Variants in FBH1 observed in about 807,000 individuals in gnomAD.
The protein encoded by FBH1 is DNA 3'-5' helicase 1.
A neutral mutation model predicts 115.5 loss-of-function variants in FBH1; 43 were observed. The ratio of observed to expected loss-of-function variants is 0.37; its 90% CI spans 0.29 to 0.48. FBH1 has a LOEUF of 0.48. Ranked by LOEUF, FBH1 falls within the 20% of genes least tolerant of loss-of-function variation. The pLI is 0.99. For missense variants in FBH1, 1,001 were observed against 1,337.3 expected, an observed-to-expected ratio of 0.75 and a Z score of 3.92; for synonymous variants, 524 against 507.8, an observed-to-expected ratio of 1.03 and a Z score of -0.43.
Position 5,916,462 on chromosome 10 carries a change from TG to T in FBH1, c.1788+7del. The T allele has an allele frequency of 3.1e-6, 5 of 1,607,948 alleles. No homozygotes were observed. The highest frequency in any genetic ancestry group is 4.2e-6 in the Non-Finnish European group (5 of 1,178,190). ...TTGAGCAGAGTGAAAAACTGGTGAG[TG>T]TCTAAGTGTCTGAAGTGTTAGGGAT... On this transcript the variant is annotated splice_region_variant and intron_variant, in intron 10 of 20. Coordinates refer to ENST00000362091, the MANE Select transcript of FBH1 (RefSeq NM_178150.3).
chr10:5,897,894 A>G lies in FBH1; in HGVS notation c.2-5126A>G, dbSNP rs975034096. Among the ~76,000 whole-genome samples the G allele has an allele frequency of 8.4e-6, 1 of 119,338 alleles. No homozygotes were observed. Among genetic ancestry groups the G allele is most frequent in the Non-Finnish European group, 1.9e-5 (1 of 51,918 alleles). The allele number at this position is 119,338 out of a possible 152,430, so 78.3% of individuals were successfully genotyped here. A position where few individuals can be genotyped will look rare whatever the true frequency, so the allele number is the denominator to read the frequency against. On this transcript the variant is annotated intron_variant, in intron 1 of 20. Coordinates refer to ENST00000362091, the MANE Select transcript of FBH1 (RefSeq NM_178150.3). This position sits in a 1 kb window ranked among gnomAD's most constrained non-coding sequence, Gnocchi z 4.7. ...CAGACGTATTTTCTGAGATAAATAC[A>G]TAAATAAAAATCTATCCTGTTCATA...
At position 5,922,762 on chromosome 10, in the gene FBH1, C is replaced by T. The variant is rs184701292; in HGVS notation, c.2323-859C>T. 4.1e-3 allele frequency among the ~76,000 whole-genome samples: 631 copies of T among 152,268 alleles called. 3 individuals carry two copies. The highest frequency in any genetic ancestry group is 0.014 in the African/African-American group (598 of 41,550). ...GTGGGGCCTGGTGCTGTGTGAGTGC[C>T]GGAGCCCAGCCAGTGCTCAGCAGAT... On this transcript the variant is annotated intron_variant, in intron 15 of 20. Coordinates refer to ENST00000362091, the MANE Select transcript of FBH1 (RefSeq NM_178150.3).
At chr10:5,907,491 T>G (rs1462663485) in intron 3 of FBH1, among the ~76,000 whole-genome samples, 3 of 148,358 alleles carry the variant, frequency 2.0e-5, no homozygotes, top group Non-Finnish European at 4.5e-5. Flanking sequence ...TTTTTTTTTT[T>G]GAGACAGAGT....
chr10:5,914,102 T>C lies in FBH1; in HGVS notation c.1305-76T>C. The stretch of plus-strand genomic sequence containing the variant: ...CTTTTGTTTATCCAGTTTGTATGTT[T>C]GGTTTTTGGACTGTCTATCCCCTGG... On this transcript the variant is annotated intron_variant, in intron 7 of 20. Coordinates refer to ENST00000362091, the MANE Select transcript of FBH1 (RefSeq NM_178150.3). This position sits in a 1 kb window ranked among gnomAD's most constrained non-coding sequence, Gnocchi z 5.2. 1 of 1,389,516 alleles carries C rather than the reference T, an allele frequency of 7.2e-7. No homozygotes were observed. Among genetic ancestry groups the C allele is most frequent in the Non-Finnish European group, 1.0e-6 (1 of 990,144 alleles). 86.1% of individuals were successfully genotyped at this position (1,389,516 alleles called of 1,614,324 possible). A position where few individuals can be genotyped will look rare whatever the true frequency, so the allele number is the denominator to read the frequency against.
At position 5,925,182 on chromosome 10, in the gene FBH1, C is replaced by CT; in HGVS notation, c.2597-179dup. The CT allele has an allele frequency of 1.4e-6, 1 of 706,018 alleles. No individual in the cohort carries two copies. Among genetic ancestry groups the CT allele is most frequent in the Non-Finnish European group, 2.2e-6 (1 of 445,636 alleles). The allele number at this position is 706,018 out of a possible 1,614,324, so 43.7% of individuals were successfully genotyped here. On this transcript the variant is annotated intron_variant, in intron 17 of 20. Coordinates refer to ENST00000362091, the MANE Select transcript of FBH1 (RefSeq NM_178150.3). This position sits in a 1 kb window ranked among gnomAD's most constrained non-coding sequence, Gnocchi z 4.6. ...TTTCGACTTTTCCCCTCGTCTTTTT[C>CT]TTTTTTCTGTTCCCGACAGTTGTCT...
intron 18 of FBH1, among the ~76,000 whole-genome samples, chr10:5,926,322 C>T (rs1461442295): frequency 1.3e-5 from 2 of 152,066 alleles, no homozygotes; most frequent in South Asian, 2.1e-4. Flanking sequence ...CCATGTTGGC[C>T]AGTCTGGTCT....
intron 18 of FBH1, among the ~76,000 whole-genome samples, chr10:5,926,068 T>C (rs1421097697): frequency 6.6e-6 from 1 of 151,796 alleles, no homozygotes; most frequent in African/African-American, 2.4e-5. Flanking sequence ...ACCACAGACA[T>C]TTGTCTGCTT....
intron 1 of FBH1, among the ~76,000 whole-genome samples, chr10:5,893,620 T>G (rs1842856173): frequency 6.6e-6 from 1 of 152,236 alleles, no homozygotes; most frequent in Admixed American, 6.5e-5. Context: ...TCGTGAAGCC[T>G]TTTTCAACTT....
chr10:5,916,753 C>T (rs550568830), intron 10 of FBH1, among the ~76,000 whole-genome samples: 1 of 147,558 alleles, frequency 6.8e-6, no homozygotes, highest in Non-Finnish European at 1.5e-5. Flanking sequence ...TGTGGGACAG[C>T]ATTATTTCTT....
At chr10:5,891,616 T>C (rs1842734531) in intron 1 of FBH1, among the ~76,000 whole-genome samples, 1 of 152,108 alleles carries the variant, frequency 6.6e-6, no homozygotes, top group Non-Finnish European at 1.5e-5. Context: ...TTGGAATATA[T>C]ATATATATTT....
At chr10:5,902,851 G>C (rs1564435448) in intron 1 of FBH1, among the ~76,000 whole-genome samples, 169 bp from the exon 2 acceptor site, 1 of 151,474 alleles carries the variant, frequency 6.6e-6, no homozygotes, top group Non-Finnish European at 1.5e-5. Flanking sequence ...AAAATGCGAA[G>C]AAATTGAAAG....
At chr10:5,892,991 T>C (rs966453149) in intron 1 of FBH1, among the ~76,000 whole-genome samples, 6 of 152,184 alleles carry the variant, frequency 3.9e-5, no homozygotes, top group African/African-American at 1.2e-4. Flanking sequence ...GTAAATTTGA[T>C]TGTGTAATGA....
intron 19 of FBH1, among the ~76,000 whole-genome samples, chr10:5,930,990 T>G (rs1832939939): frequency 6.6e-6 from 1 of 152,150 alleles, no homozygotes; most frequent in Non-Finnish European, 1.5e-5. Flanking sequence ...CTTGAACTCC[T>G]GGGCTTAAGT....
Position 5,915,817 on chromosome 10 carries a change from A to G in FBH1, c.1565+246A>G. ...GTGTTCTCATGGAAGTGAGGCACAGAAAGTCAAAATGACTTGCTTAAAGTT... is the reference window on the plus strand; with the variant it reads ...GTGTTCTCATGGAAGTGAGGCACAGGAAGTCAAAATGACTTGCTTAAAGTT... On this transcript the variant is annotated intron_variant, in intron 9 of 20. Transcript: ENST00000362091. The surrounding 1 kb of genome is among the most constrained non-coding windows in gnomAD (Gnocchi z 5.2). The G allele has an allele frequency of 1.9e-6, 1 of 529,742 alleles. No homozygotes were observed. Among genetic ancestry groups the G allele is most frequent in the South Asian group, 2.3e-5 (1 of 43,356 alleles). The allele number at this position is 529,742 out of a possible 1,614,324, so 32.8% of individuals were successfully genotyped here.
intron 1 of FBH1, chr10:5,894,232 T>C (rs1483367104): frequency 2.0e-6 from 2 of 985,362 alleles, no homozygotes; most frequent in Non-Finnish European, 2.4e-6. Flanking sequence ...GGGGACACAA[T>C]ATTTTGAAGT....
intron 15 of FBH1, among the ~76,000 whole-genome samples, chr10:5,922,203 GGT>G (rs1407023281): frequency 6.6e-6 from 1 of 152,054 alleles, no homozygotes; most frequent in Admixed American, 6.6e-5. Context: ...ATAATCAAAA[GGT>G]GTTTTAAGTT....
At chr10:5,893,897 T>A (rs1830560718) in intron 1 of FBH1, 1 of 783,922 alleles carries the variant, frequency 1.3e-6, no homozygotes, top group Admixed American at 6.2e-5. Context: ...AGAAAAAGCC[T>A]TTCAAATATA....
At chr10:5,898,382 C>T (rs544523121) in intron 1 of FBH1, among the ~76,000 whole-genome samples, 5 of 152,112 alleles carry the variant, frequency 3.3e-5, no homozygotes. Context: ...GGACTCCACC[C>T]TTGTGACCTT....
chr10:5,916,586 G>T (rs1831962594), intron 10 of FBH1, 130 bp downstream of exon 10: 1 of 776,886 alleles, frequency 1.3e-6, no homozygotes, highest in Admixed American at 3.0e-5. Context: ...GGAAGTGTTA[G>T]GGGTCTGAGG....
Sources: allele counts gnomAD v4.1 joint callset (sites outside exome capture counted in the v4.1 genomes callset), GRCh38; gene constraint gnomAD v4.1.1; non-coding constraint Gnocchi (gnomAD v3.1); transcripts MANE v1.5; gene names NCBI Gene and HGNC (gene_info 2026-07-23, HGNC 2026-07-21).